Variants in CELSR1 observed in about 807,000 individuals in gnomAD.
CELSR1 encodes adhesion G protein-coupled receptor C1.
Under a neutral mutation model 249.1 loss-of-function variants are expected in CELSR1, and 110 were observed. The ratio of observed to expected loss-of-function variants is 0.44; its 90% CI spans 0.38 to 0.52. The LOEUF is 0.52. CELSR1 is among the 20% of genes least tolerant of loss of function. CELSR1 has a pLI of 0.00. For missense variants in CELSR1, 4,109 were observed against 4,296.4 expected, an observed-to-expected ratio of 0.96 and a Z score of 1.22; for synonymous variants, 2,113 against 1,900.0, an observed-to-expected ratio of 1.11 and a Z score of -2.92.
chr22:46,400,331 GA>G (rs879836528), intron 9 of CELSR1, among the ~76,000 whole-genome samples: 3,032 of 138,784 alleles, frequency 0.022, 73 homozygotes, highest in African/African-American at 0.068. Context: ...TTGGTCTCGA[GA>G]AAAAAAAAAA....
rs2079841547 is a variant in CELSR1, at chr22:46,448,131, CAGCA to C, written c.4184-8724_4184-8721del. Among the ~76,000 whole-genome samples the C allele has an allele frequency of 6.6e-6, 1 of 152,226 alleles. No individual in the cohort carries two copies. Among genetic ancestry groups the C allele is most frequent in the African/African-American group, 2.4e-5 (1 of 41,454 alleles). On this transcript the variant is annotated intron_variant, in intron 2 of 34. Transcript: ENST00000674500. The surrounding 1 kb of genome is among the most constrained non-coding windows in gnomAD (Gnocchi z 5.7). ...GAAAAGCCCTGGCTTCACAGGGCTT[CAGCA>C]AACGGCTTACCTGCTGCAGGCGGGG...
intron 1 of CELSR1, among the ~76,000 whole-genome samples, chr22:46,469,015 G>A (rs1420514120): frequency 3.9e-5 from 6 of 152,170 alleles, no homozygotes; most frequent in Admixed American, 3.3e-4. Flanking sequence ...GGCAGAGGTT[G>A]CAGTGAGCCA....
chr22:46,439,298 C>T lies in CELSR1; in HGVS notation c.4297G>A (p.Gly1433Ser), dbSNP rs2079710561. The T allele has an allele frequency of 6.2e-7, 1 of 1,614,112 alleles. No individual in the cohort carries two copies. Among genetic ancestry groups the T allele is most frequent in the Non-Finnish European group, 8.5e-7 (1 of 1,180,006 alleles). Reference protein sequence around the residue: ...IGGFHCVCPPGEYERPYCEVT... With the variant: ...IGGFHCVCPPSEYERPYCEVT... ...TCACAGTAGGGCCTCTCATACTCGC[C>T]AGGAGGACACACGCAGTGGAAGCCG... is the stretch of plus-strand genomic sequence containing the variant. The change falls in exon 3 of 35, where the codon GGC becomes AGC. Residue 1433 changes from glycine (G) to serine (S), a missense_variant. This residue lies in a region of CELSR1 where 453 missense variants were observed against 492.0 expected (regional missense o/e 0.92). Coordinates refer to ENST00000674500, the MANE Select transcript of CELSR1 (RefSeq NM_001378328.1).
chr22:46,457,514 C>T (rs890731007), intron 2 of CELSR1, among the ~76,000 whole-genome samples: 1 of 152,212 alleles, frequency 6.6e-6, no homozygotes, highest in African/African-American at 2.4e-5. Context: ...GTTGCCGTCC[C>T]CCTCCAAGAT....
chr22:46,481,293 G>C, intron 1 of CELSR1: 1 of 524,860 alleles, frequency 1.9e-6, no homozygotes, highest in Admixed American at 2.8e-5. Context: ...ATACATTATT[G>C]CCCTCAGCCC....
Position 46,399,973 on chromosome 22 carries a change from T to TA in CELSR1, c.5227-72dup, listed in dbSNP as rs755969447. The TA allele has an allele frequency of 2.0e-6, 3 of 1,476,776 alleles. No individual in the cohort carries two copies. In the Admixed American group the frequency reaches 5.6e-5, roughly 27 times the overall value. The allele number at this position is 1,476,776 out of a possible 1,614,324, so 91.5% of individuals were successfully genotyped here. Reference sequence around the variant, plus strand: ...AAAGAGAAAACATTTTGCAGTCACTTAAACAAGGAAGCTGTGAAAGGAGAC... The same window carrying TA: ...AAAGAGAAAACATTTTGCAGTCACTTAAAACAAGGAAGCTGTGAAAGGAGAC... On this transcript the variant is annotated intron_variant, in intron 9 of 34. Transcript: ENST00000674500. The surrounding 1 kb of genome is among the most constrained non-coding windows in gnomAD (Gnocchi z 5.0).
At chr22:46,456,686 A>AG (rs1569177041) in intron 2 of CELSR1, among the ~76,000 whole-genome samples, 4 of 148,230 alleles carry the variant, frequency 2.7e-5, no homozygotes, top group Admixed American at 1.3e-4. Flanking sequence ...AAAAAAAAAA[A>AG]AGAGAACCCA....
intron 1 of CELSR1, among the ~76,000 whole-genome samples, chr22:46,531,309 A>G (rs1329033467): frequency 1.3e-5 from 2 of 151,940 alleles, no homozygotes; most frequent in African/African-American, 4.8e-5. Flanking sequence ...AGATTCAAGC[A>G]ATTTTCCTGC....
rs992793763 is a variant in CELSR1 at position 46,363,412 on chromosome 22, G to A, written c.9036-165C>T. ...CTCATGTTGGATGAGGCTGCCCTTGGGAGGCAGGAGAGGGGACCAGGACCA... is the reference window on the plus strand; with the variant it reads ...CTCATGTTGGATGAGGCTGCCCTTGAGAGGCAGGAGAGGGGACCAGGACCA... On this transcript the variant is annotated intron_variant, in intron 34 of 34. Coordinates refer to ENST00000674500, the MANE Select transcript of CELSR1 (RefSeq NM_001378328.1). The surrounding 1 kb of genome is among the most constrained non-coding windows in gnomAD (Gnocchi z 4.3). 1.0e-5 allele frequency: 6 copies of A among 600,620 alleles called. No individual in the cohort carries two copies. The highest frequency in any genetic ancestry group is 1.9e-5 in the South Asian group (1 of 52,024). The allele number at this position is 600,620 out of a possible 1,614,324, so 37.2% of individuals were successfully genotyped here. A position where few individuals can be genotyped will look rare whatever the true frequency, so the allele number is the denominator to read the frequency against.
chr22:46,409,232 C>CG lies in CELSR1; in HGVS notation c.5060-71dup. On this transcript the variant is annotated intron_variant, in intron 8 of 34. Coordinates refer to ENST00000674500, the MANE Select transcript of CELSR1 (RefSeq NM_001378328.1). This position sits in a 1 kb window ranked among gnomAD's most constrained non-coding sequence, Gnocchi z 9.8. Reference sequence around the variant, plus strand: ...ACGGCCGCGGACTTGGCTGCAGGGGCGGGGGATGGGCCTGCAGGCTAGGCC... The same window carrying CG: ...ACGGCCGCGGACTTGGCTGCAGGGGCGGGGGGATGGGCCTGCAGGCTAGGCC... 1 of 1,542,086 alleles carries CG rather than the reference C, an allele frequency of 6.5e-7. No homozygotes were observed.
chr22:46,367,839 C>A lies in CELSR1; in HGVS notation c.7969G>T (p.Ala2657Ser), dbSNP rs776041894. 5 of 1,610,272 alleles carry A rather than the reference C, an allele frequency of 3.1e-6. No individual in the cohort carries two copies. The highest frequency in any genetic ancestry group is 1.7e-5 in the Admixed American group (1 of 59,784). The stretch of plus-strand genomic sequence containing the variant: ...CTGATGAGCAGCAGCAGGAGGAATG[C>A]GGTCCTCAGCAGGGAGCTGCGGGAG... ...KKGIVSLLRT[A>S]FLLLLLISAT... Residue 2657 changes from alanine (A) to serine (S), a missense_variant, in exon 28 of 35, where the codon GCA (alanine) becomes TCA (serine). Physicochemically the swap from Ala to Ser is moderately conservative, Grantham distance 99. Coordinates refer to ENST00000674500, the MANE Select transcript of CELSR1 (RefSeq NM_001378328.1).
Position 46,399,863 on chromosome 22 carries a change from G to A in CELSR1, c.5266C>T (p.Pro1756Ser), listed in dbSNP as rs201965928. The A allele has an allele frequency of 6.2e-7, 1 of 1,614,154 alleles. No homozygotes were observed. The highest frequency in any genetic ancestry group is 1.3e-5 in the African/African-American group (1 of 75,056). ...AGCATCACGGACTCCACATCGGAGG[G>A]GCCGTGGGACACCTCAAACTGGAGG... ...NYLQFEVSHGPSDVESVMLSG... is the reference protein window; with the variant it reads ...NYLQFEVSHGSSDVESVMLSG... Residue 1756 changes from proline (P) to serine (S), a missense_variant, in exon 10 of 35, where the codon CCC becomes TCC. Around this residue, in one of 7 missense-constraint regions of CELSR1, gnomAD observed 1,805 missense variants for 1,831.6 expected, o/e 0.99. Transcript: ENST00000674500. This position sits in a 1 kb window ranked among gnomAD's most constrained non-coding sequence, Gnocchi z 5.0.
chr22:46,363,284 T>A lies in CELSR1; in HGVS notation c.9036-37A>T, dbSNP rs546709030. 27 of 1,583,044 alleles carry A rather than the reference T, an allele frequency of 1.7e-5. No individual in the cohort carries two copies. The East Asian group carries it at 6.1e-4, about 36-fold the overall frequency. ...AAGAAGCCAGCAAGCAGGTGAAGGG[T>A]CAGTGAGGGTAGCGGCTTGGTGGGG... On this transcript the variant is annotated intron_variant, in intron 34 of 34. Transcript: ENST00000674500. This position sits in a 1 kb window ranked among gnomAD's most constrained non-coding sequence, Gnocchi z 4.3.
chr22:46,420,133 TAC>T (rs367579699), intron 5 of CELSR1, among the ~76,000 whole-genome samples: 213 of 141,974 alleles, frequency 1.5e-3, no homozygotes, highest in African/African-American at 5.4e-3. Context: ...CACTCACATA[TAC>T]ACTCACCCAC....
chr22:46,523,831 A>G (rs2080710587), intron 1 of CELSR1, among the ~76,000 whole-genome samples: 1 of 152,020 alleles, frequency 6.6e-6, no homozygotes, highest in Admixed American at 6.5e-5. Context: ...CCTTCACTCT[A>G]CAGCTTCTTG....
chr22:46,392,157 A>G (rs567953143), intron 14 of CELSR1, among the ~76,000 whole-genome samples: 3 of 152,188 alleles, frequency 2.0e-5, no homozygotes, highest in Non-Finnish European at 4.4e-5. Context: ...GCGTTTTTTT[A>G]AAGTTGTTTT....
In CELSR1 at chr22:46,423,955, G is replaced by C. The variant is rs924910513; in HGVS notation, c.4611+9438C>G. ...TGTGCCAGCCTGGGTGACAGAGTGA[G>C]ACTGCATCTCAAAACAAACAAAGAA... On this transcript the variant is annotated intron_variant, in intron 5 of 34. Transcript: ENST00000674500. This position sits in a 1 kb window ranked among gnomAD's most constrained non-coding sequence, Gnocchi z 5.6. Among the ~76,000 whole-genome samples, 2 of 152,110 alleles carry C rather than the reference G, an allele frequency of 1.3e-5. No individual in the cohort carries two copies. The highest frequency in any genetic ancestry group is 4.8e-5 in the African/African-American group (2 of 41,400).
In CELSR1 at chr22:46,363,316, G is replaced by A. The variant is rs1017463683; in HGVS notation, c.9036-69C>T. ...GGGTAGCGGCTTGGTGGGGCCCAAG[G>A]TTGTCACACGGGGGGGCAGGATCAC... is the stretch of plus-strand genomic sequence containing the variant. On this transcript the variant is annotated intron_variant, in intron 34 of 34. Transcript: ENST00000674500. The surrounding 1 kb of genome is among the most constrained non-coding windows in gnomAD (Gnocchi z 4.3). 12 of 1,365,290 alleles carry A rather than the reference G, an allele frequency of 8.8e-6. No homozygotes were observed. In the African/African-American group the frequency reaches 1.7e-4, roughly 19 times the overall value. The allele number at this position is 1,365,290 out of a possible 1,614,324, so 84.6% of individuals were successfully genotyped here. A position where few individuals can be genotyped will look rare whatever the true frequency, so the allele number is the denominator to read the frequency against.
chr22:46,525,275 C>A lies in CELSR1; in HGVS notation c.3544+8352G>T, dbSNP rs570351090. Among the ~76,000 whole-genome samples, 44 of 152,268 alleles carry A rather than the reference C, an allele frequency of 2.9e-4. 1 individual carries two copies. In the South Asian group the frequency reaches 8.3e-3, roughly 29 times the overall value. ...ACCAGCCTGACCAACACGGAGAAAG[C>A]CCCATGTCTACTAAAAATACAAAAT... On this transcript the variant is annotated intron_variant, in intron 1 of 34. Coordinates refer to ENST00000674500, the MANE Select transcript of CELSR1 (RefSeq NM_001378328.1).
Sources: gnomAD v4.1 joint callset for allele counts (sites outside exome capture counted in the v4.1 genomes callset) on GRCh38, gnomAD v4.1.1 for gene constraint, gnomAD v4.1.1 regional missense constraint, Gnocchi (gnomAD v3.1) non-coding constraint, MANE v1.5 for transcripts, NCBI Gene and HGNC (gene_info 2026-07-23, HGNC 2026-07-21) for gene names.